CAMK2A: variants seen among roughly 807,000 people sequenced by gnomAD.
The protein encoded by CAMK2A is calcium/calmodulin-dependent protein kinase type II subunit alpha.
CAMK2A carries 7 observed loss-of-function variants against 79.2 expected under a neutral mutation model. That is an observed-to-expected ratio of 0.09 (90% CI 0.05 to 0.17). The LOEUF (loss-of-function observed/expected upper bound fraction) is 0.17, where lower values mean the gene tolerates loss of function less well. CAMK2A is among the 10% of genes least tolerant of loss of function. The probability of loss-of-function intolerance (pLI) is 1.00; values close to 1 mark genes in which losing one functional copy is unlikely to be tolerated. For synonymous variants in CAMK2A, 242 were observed against 251.7 expected (o/e 0.96, Z 0.36); for missense variants, 214 against 646.4 (o/e 0.33, Z 7.25).
chr5:150,229,000 C>A (rs898204981), intron 16 of CAMK2A, among the ~76,000 whole-genome samples: 1 of 152,182 alleles, frequency 6.6e-6, no homozygotes, highest in African/African-American at 2.4e-5. Context: ...GGGAAGGGAA[C>A]AAGCTGTCTT....
intron 17 of CAMK2A, among the ~76,000 whole-genome samples, chr5:150,227,051 C>A (rs545428421): frequency 7.0e-4 from 107 of 152,064 alleles, no homozygotes; most frequent in African/African-American, 2.5e-3. Flanking sequence ...GGATTACATG[C>A]GTGAGCCACC....
intron 1 of CAMK2A, among the ~76,000 whole-genome samples, chr5:150,287,321 G>A (rs983892635): frequency 1.3e-5 from 2 of 152,206 alleles, no homozygotes; most frequent in East Asian, 1.9e-4. Flanking sequence ...TCTGGGGAAC[G>A]TAGATTTAGA....
At chr5:150,268,530 C>A (rs1231076185) in intron 2 of CAMK2A, among the ~76,000 whole-genome samples, 2 of 152,224 alleles carry the variant, frequency 1.3e-5, no homozygotes, top group African/African-American at 4.8e-5. Context: ...TTGGTTAACA[C>A]TTGTCACTAC....
chr5:150,228,203 T>C lies in CAMK2A; in HGVS notation c.1226A>G (p.Tyr409Cys), dbSNP rs1204852152. Reference sequence around the variant, plus strand: ...AAGGAATTGCTCACGGTTTTCAAAATAGAATCGATGGAAGTCCAGGCCCTC... The same window carrying C: ...AAGGAATTGCTCACGGTTTTCAAAACAGAATCGATGGAAGTCCAGGCCCTC... ...LVEGLDFHRF[Y>C]FENLWSRNSK... The change falls in exon 17 of 19, where the codon TAT becomes TGT. Residue 409 changes from tyrosine to cysteine, a missense_variant. Around this residue, in one of 4 missense-constraint regions of CAMK2A, gnomAD observed 123 missense variants for 242.4 expected, o/e 0.51. Coordinates refer to ENST00000671881, the MANE Select transcript of CAMK2A (RefSeq NM_015981.4). 2 of 1,613,234 alleles carry C rather than the reference T, an allele frequency of 1.2e-6. No homozygotes were observed. Among genetic ancestry groups the C allele is most frequent in the South Asian group, 2.2e-5 (2 of 91,020 alleles).
In CAMK2A at chr5:150,261,459, C is replaced by T. The variant is rs142555179; in HGVS notation, c.217+3497G>A. On this transcript the variant is annotated intron_variant, in intron 3 of 18. Transcript: ENST00000671881. ...TCCTGTCTCCTGGTGGAGTGACTGA[C>T]GTGTCCGTGCCCATTGAGTCATTCT... Among the ~76,000 whole-genome samples the T allele has an allele frequency of 9.8e-5, 15 of 152,316 alleles. No individual in the cohort carries two copies. The South Asian group carries it at 1.9e-3, about 19-fold the overall frequency.
At chr5:150,287,838 A>G (rs1757487594) in intron 1 of CAMK2A, among the ~76,000 whole-genome samples, 1 of 152,162 alleles carries the variant, frequency 6.6e-6, no homozygotes, top group African/African-American at 2.4e-5. Context: ...CAAAAAAAGC[A>G]CATTCAGAAA....
At chr5:150,229,664 T>G (rs557958062) in intron 16 of CAMK2A, among the ~76,000 whole-genome samples, 8 of 152,270 alleles carry the variant, frequency 5.3e-5, no homozygotes, top group African/African-American at 1.2e-4. Context: ...CTGAGGAGCT[T>G]GGGGACCACA....
chr5:150,224,867 A>AAAG (rs60161561), intron 17 of CAMK2A, among the ~76,000 whole-genome samples: 138,270 of 151,900 alleles, frequency 0.91, 62,960 homozygotes, highest in Admixed American at 0.94. Context: ...GTGGAATCTA[A>AAAG]AAGTCAGTTT....
intron 1 of CAMK2A, among the ~76,000 whole-genome samples, chr5:150,276,955 C>A (rs566623248): frequency 6.6e-6 from 1 of 152,116 alleles, no homozygotes; most frequent in East Asian, 1.9e-4. Context: ...TCTGGCCGGG[C>A]GTGATGGCTC....
At chr5:150,247,957 A>G (rs1052006418) in intron 11 of CAMK2A, 143 bp from the exon 12 acceptor site, 10 of 686,262 alleles carry the variant, frequency 1.5e-5, no homozygotes, top group Non-Finnish European at 2.0e-5. Context: ...CTGCCCCTCC[A>G]TTTGTCCCAA....
chr5:150,233,854 C>T lies in CAMK2A; in HGVS notation c.1067-2474G>A, dbSNP rs138759037. Reference sequence around the variant, plus strand: ...TTGAGATGGGGTCTCTCTGCATTGTCCAGGCAGGAGTGCAGTGGTGTGATC... The same window carrying T: ...TTGAGATGGGGTCTCTCTGCATTGTTCAGGCAGGAGTGCAGTGGTGTGATC... On this transcript the variant is annotated intron_variant, in intron 15 of 18. Transcript: ENST00000671881. 2.6e-4 allele frequency among the ~76,000 whole-genome samples: 39 copies of T among 152,226 alleles called. No individual in the cohort carries two copies. The East Asian group carries it at 7.5e-3, about 29-fold the overall frequency.
chr5:150,226,645 G>A (rs954617888), intron 17 of CAMK2A, among the ~76,000 whole-genome samples: 3 of 143,116 alleles, frequency 2.1e-5, no homozygotes, highest in African/African-American at 7.7e-5. Flanking sequence ...GCTGAGGCAG[G>A]AGAATTGCTT....
chr5:150,270,592 C>G (rs951719662), intron 2 of CAMK2A, among the ~76,000 whole-genome samples: 9 of 151,998 alleles, frequency 5.9e-5, no homozygotes, highest in African/African-American at 1.5e-4. Context: ...ATTAACCCCC[C>G]CTCCCCGCCC....
intron 12 of CAMK2A, among the ~76,000 whole-genome samples, chr5:150,246,905 C>CCCCAGT (rs1473084251): frequency 6.6e-6 from 1 of 152,258 alleles, no homozygotes; most frequent in East Asian, 1.9e-4. Flanking sequence ...CTGGCCCCAG[C>CCCCAGT]CCCAGTCAGA....
intron 1 of CAMK2A, among the ~76,000 whole-genome samples, chr5:150,277,526 G>A (rs536485623): frequency 2.6e-5 from 4 of 152,352 alleles, no homozygotes; most frequent in African/African-American, 9.6e-5. Context: ...GAAGCCATAC[G>A]TGCTGAAGTT....
intron 14 of CAMK2A, 98 bp from the exon 15 acceptor site, chr5:150,238,846 G>T: frequency 1.0e-6 from 1 of 1,003,258 alleles, no homozygotes; most frequent in Non-Finnish European, 1.4e-6. Flanking sequence ...GTTTCTGTGA[G>T]CCTCACAGGC....
At position 150,228,217 on chromosome 5, in the gene CAMK2A, G is replaced by T. The variant is rs761351468; in HGVS notation, c.1212C>A (p.Asp404Glu). Residue 404 changes from aspartate to glutamate, a missense_variant, in exon 17 of 19, where the codon GAC becomes GAA. This residue lies in a region of CAMK2A where 123 missense variants were observed against 242.4 expected (regional missense o/e 0.51). Transcript: ENST00000671881. ...EALGNLVEGL[D>E]FHRFYFENLW... The stretch of plus-strand genomic sequence containing the variant: ...GGTTTTCAAAATAGAATCGATGGAA[G>T]TCCAGGCCCTCAACCAGGTTCCCCA... 3 of 1,613,722 alleles carry T rather than the reference G, an allele frequency of 1.9e-6. No individual in the cohort carries two copies. In the Admixed American group the frequency reaches 5.0e-5, roughly 27 times the overall value.
intron 6 of CAMK2A, among the ~76,000 whole-genome samples, chr5:150,254,924 T>C (rs1449316692): frequency 2.0e-5 from 3 of 152,160 alleles, no homozygotes; most frequent in Non-Finnish European, 4.4e-5. Flanking sequence ...AGACTGTTGG[T>C]TTTGAGTCCT....
chr5:150,245,897 C>T (rs967749949), intron 12 of CAMK2A, among the ~76,000 whole-genome samples: 22 of 152,244 alleles, frequency 1.4e-4, no homozygotes, highest in Admixed American at 8.5e-4. Flanking sequence ...CCCTCCTCAC[C>T]TCCTGGCCAG....
Sources: gnomAD v4.1 joint callset for allele counts (sites outside exome capture counted in the v4.1 genomes callset) on GRCh38, gnomAD v4.1.1 for gene constraint, gnomAD v4.1.1 regional missense constraint, MANE v1.5 for transcripts, NCBI Gene and HGNC (gene_info 2026-07-23, HGNC 2026-07-21) for gene names.